Variants in HMCN1 observed in about 807,000 individuals in gnomAD.
The protein encoded by HMCN1 is hemicentin 1, also known as hemicentin-1.
Under a neutral mutation model 625.9 loss-of-function variants are expected in HMCN1, and 321 were observed. The observed-to-expected ratio is 0.51, with a 90% CI of 0.47 to 0.56. HMCN1 has a LOEUF of 0.56. Among genes scored for constraint, HMCN1 ranks in the 20% least tolerant of loss-of-function variants. The pLI is 0.00. For missense variants in HMCN1, 6,588 were observed against 6,887.3 expected, an observed-to-expected ratio of 0.96 and a Z score of 1.54; for synonymous variants, 2,425 against 2,417.6, an observed-to-expected ratio of 1.00 and a Z score of -0.09.
intron 4 of HMCN1, among the ~76,000 whole-genome samples, chr1:185,883,615 A>G (rs1664443936): frequency 6.6e-6 from 1 of 152,014 alleles, no homozygotes; most frequent in South Asian, 2.1e-4. Context: ...TTATGGATAT[A>G]CCACAATTTG....
At chr1:186,050,644 C>A (rs1429251069) in intron 42 of HMCN1, among the ~76,000 whole-genome samples, 1 of 151,942 alleles carries the variant, frequency 6.6e-6, no homozygotes, top group Non-Finnish European at 1.5e-5. Flanking sequence ...AAAAAACATA[C>A]TTTACAAATA....
chr1:185,885,211 T>C (rs1466615370), intron 4 of HMCN1, among the ~76,000 whole-genome samples: 2 of 151,800 alleles, frequency 1.3e-5, no homozygotes, highest in Non-Finnish European at 2.9e-5. Context: ...TCATTATTCT[T>C]AAGAATGAAG....
chr1:186,062,578 T>A lies in HMCN1; in HGVS notation c.7491T>A (p.Val2497=). ...EDVKVKEKQS[V]TLTCEVTGNP... The stretch of plus-strand genomic sequence containing the variant: ...TGAAGGTAAAAGAGAAACAGAGTGT[T>A]ACGCTGACTTGTGAAGTGACAGGTA... The change falls in exon 48 of 107, where the codon GTT becomes GTA. Residue 2497 remains valine (V), a synonymous_variant. Coordinates refer to ENST00000271588, the MANE Select transcript of HMCN1 (RefSeq NM_031935.3). 1 of 1,612,170 alleles carries A rather than the reference T, an allele frequency of 6.2e-7. No homozygotes were observed. The highest frequency in any genetic ancestry group is 8.5e-7 in the Non-Finnish European group (1 of 1,178,436).
Position 185,993,228 on chromosome 1 carries a change from A to T in HMCN1, c.3424A>T (p.Thr1142Ser). ...TTCAATGAAGATCACTGAAACCCGCACTTCAGATAGTGGGATGTATCTTTG... is the reference window on the plus strand; with the variant it reads ...TTCAATGAAGATCACTGAAACCCGCTCTTCAGATAGTGGGATGTATCTTTG... ...SGSMKITETR[T>S]SDSGMYLCVA... The change falls in exon 23 of 107, where the codon ACT becomes TCT. Residue 1142 changes from threonine (T) to serine (S), a missense_variant. Thr to Ser is a moderately conservative substitution (Grantham distance 58). Around this residue, in one of 3 missense-constraint regions of HMCN1, gnomAD observed 4,628 missense variants for 4,853.1 expected, o/e 0.95. Coordinates refer to ENST00000271588, the MANE Select transcript of HMCN1 (RefSeq NM_031935.3). The T allele has an allele frequency of 6.2e-7, 1 of 1,612,908 alleles. No individual in the cohort carries two copies. Among genetic ancestry groups the T allele is most frequent in the Non-Finnish European group, 8.5e-7 (1 of 1,179,038 alleles).
intron 8 of HMCN1, among the ~76,000 whole-genome samples, chr1:185,924,790 T>G (rs568684333): frequency 1.3e-5 from 2 of 152,294 alleles, no homozygotes; most frequent in East Asian, 3.9e-4. Flanking sequence ...AAAAAAATAC[T>G]ATGTCTTAAA....
At chr1:186,052,620 C>T (rs552341089) in intron 42 of HMCN1, among the ~76,000 whole-genome samples, 2 of 151,978 alleles carry the variant, frequency 1.3e-5, no homozygotes, top group Admixed American at 6.6e-5. Flanking sequence ...GGTACTTTAG[C>T]TTTTTGATGC....
At chr1:186,186,330 C>A (rs1292142458) in intron 105 of HMCN1, among the ~76,000 whole-genome samples, 1 of 152,098 alleles carries the variant, frequency 6.6e-6, no homozygotes, top group African/African-American at 2.4e-5. Flanking sequence ...GGTTCAAGAC[C>A]AGCCTGGCCA....
intron 73 of HMCN1, 85 bp from the exon 74 acceptor site, chr1:186,114,734 C>G (rs1362687798): frequency 2.0e-6 from 3 of 1,478,728 alleles, no homozygotes; most frequent in Non-Finnish European, 2.8e-6. Flanking sequence ...TGGATTTCAC[C>G]AAGTGTTTAA....
intron 70 of HMCN1, among the ~76,000 whole-genome samples, 177 bp from the exon 71 acceptor site, chr1:186,108,284 A>G (rs1046923290): frequency 6.6e-6 from 1 of 152,030 alleles, no homozygotes; most frequent in Non-Finnish European, 1.5e-5. Context: ...TGTACATGAA[A>G]TTGCTAAATA....
At chr1:186,047,641 A>C (rs961722968) in intron 41 of HMCN1, among the ~76,000 whole-genome samples, 2 of 152,124 alleles carry the variant, frequency 1.3e-5, no homozygotes, top group African/African-American at 4.8e-5. Flanking sequence ...TTTCTATGAG[A>C]CATGCAGGCC....
Position 185,989,574 on chromosome 1 carries a change from G to A in HMCN1, c.3135G>A (p.Glu1045=), listed in dbSNP as rs1312878071. 12 of 1,613,940 alleles carry A rather than the reference G, an allele frequency of 7.4e-6. No homozygotes were observed. Among genetic ancestry groups the A allele is most frequent in the African/African-American group, 1.3e-5 (1 of 74,922 alleles). The part of the protein sequence containing the change: ...SLYVVSPGGE[E]SGEYVCTATN... ...ATGTGGTATCACCTGGAGGAGAGGA[G>A]AGTGGGGAGTATGTCTGCACTGCCA... Residue 1045 remains glutamate, a synonymous_variant, in exon 21 of 107, where the codon GAG becomes GAA. Coordinates refer to ENST00000271588, the MANE Select transcript of HMCN1 (RefSeq NM_031935.3).
chr1:186,185,354 A>C (rs1653222542), intron 105 of HMCN1, among the ~76,000 whole-genome samples: 1 of 152,174 alleles, frequency 6.6e-6, no homozygotes, highest in Non-Finnish European at 1.5e-5. Flanking sequence ...ATTGAATTTC[A>C]CATTTTTCTA....
intron 7 of HMCN1, among the ~76,000 whole-genome samples, 172 bp from the exon 8 acceptor site, chr1:185,923,218 G>A (rs993599185): frequency 2.0e-5 from 3 of 152,064 alleles, no homozygotes; most frequent in Non-Finnish European, 4.4e-5. Flanking sequence ...GATTTCCTAA[G>A]TTTCTCTGGT....
intron 10 of HMCN1, 33 bp from the exon 11 acceptor site, chr1:185,933,516 G>A (rs747487365): frequency 7.4e-6 from 12 of 1,612,890 alleles, no homozygotes; most frequent in Middle Eastern, 1.7e-4. Flanking sequence ...TGGCTTTTAG[G>A]TCTCTTGATT....
At chr1:185,814,975 A>G (rs892384056) in intron 1 of HMCN1, among the ~76,000 whole-genome samples, 13 of 150,078 alleles carry the variant, frequency 8.7e-5, no homozygotes, top group Non-Finnish European at 1.2e-4. Flanking sequence ...TACAGGTGTG[A>G]GCCTGGCCGA....
At chr1:186,114,264 AT>A in intron 73 of HMCN1, 141 bp downstream of exon 73, 1 of 967,894 alleles carries the variant, frequency 1.0e-6, no homozygotes, top group Non-Finnish European at 1.6e-6. Context: ...TTAGTATTTT[AT>A]TATTTTTCTG....
At chr1:185,773,161 C>T (rs987802647) in intron 1 of HMCN1, among the ~76,000 whole-genome samples, 9 of 152,138 alleles carry the variant, frequency 5.9e-5, no homozygotes, top group Admixed American at 5.2e-4. Flanking sequence ...CTCCAGGGGA[C>T]ATTTGGCATT....
chr1:186,053,926 T>G lies in HMCN1; in HGVS notation c.6802T>G (p.Ser2268Ala). 6.2e-7 allele frequency: 1 copy of G among 1,612,816 alleles called. No homozygotes were observed. The highest frequency in any genetic ancestry group is 8.5e-7 in the Non-Finnish European group (1 of 1,179,238). ...TGAAAAGTCTGATGCAGCACTCTAT[T>G]CATGTGTGGCGTCGAATGTTGCTGG... ...IAEKSDAALY[S>A]CVASNVAGTA... Residue 2268 changes from serine to alanine, a missense_variant, in exon 44 of 107, where the codon TCA (serine) becomes GCA (alanine). Around this residue, in one of 3 missense-constraint regions of HMCN1, gnomAD observed 4,628 missense variants for 4,853.1 expected, o/e 0.95. Transcript: ENST00000271588.
At chr1:186,060,366 T>C (rs1357262366) in intron 46 of HMCN1, among the ~76,000 whole-genome samples, 1 of 152,026 alleles carries the variant, frequency 6.6e-6, no homozygotes. Flanking sequence ...TATTACACAA[T>C]CCAATAAATG....
Sources: gnomAD v4.1 joint callset for allele counts (sites outside exome capture counted in the v4.1 genomes callset) on GRCh38, gnomAD v4.1.1 for gene constraint, gnomAD v4.1.1 regional missense constraint, MANE v1.5 for transcripts, NCBI Gene and HGNC (gene_info 2026-07-23, HGNC 2026-07-21) for gene names.